Variants in SYNE3 observed in about 807,000 individuals in gnomAD.
The protein encoded by SYNE3 is spectrin repeat containing nuclear envelope family member 3.
Under a neutral mutation model 111.2 loss-of-function variants are expected in SYNE3, and 100 were observed. The ratio of observed to expected loss-of-function variants is 0.90; its 90% CI spans 0.77 to 1.06. SYNE3 has a LOEUF of 1.06. Among genes scored for constraint, SYNE3 ranks in the 50% least tolerant of loss-of-function variants. The pLI is 0.00. For synonymous variants in SYNE3, 547 were observed against 533.9 expected (o/e 1.02, Z -0.34); for missense variants, 1,160 against 1,240.3 (o/e 0.94, Z 0.97).
At chr14:95,481,643 G>A (rs1339377715) in intron 1 of SYNE3, among the ~76,000 whole-genome samples, 1 of 152,182 alleles carries the variant, frequency 6.6e-6, no homozygotes, top group African/African-American at 2.4e-5. Context: ...AGGGGAGCCG[G>A]GACAATGCAG....
chr14:95,409,492 C>T lies in SYNE3; in HGVS notation c.*8334G>A, dbSNP rs553249880. 1.9e-3 allele frequency: 785 copies of T among 414,554 alleles called. 5 individuals are homozygous for T. Among genetic ancestry groups the T allele is most frequent in the Non-Finnish European group, 3.3e-3 (687 of 208,924 alleles). The allele number at this position is 414,554 out of a possible 1,614,324, so 25.7% of individuals were successfully genotyped here. ...GAAGCCCAGGATCCTCGGGGGAAAC[C>T]GAGGTCCCTCCTTATGATTGCTGTC... is the stretch of plus-strand genomic sequence containing the variant. On this transcript the variant is annotated 3_prime_UTR_variant, in exon 18 of 18. Coordinates refer to ENST00000682763, the MANE Select transcript of SYNE3 (RefSeq NM_152592.6).
At position 95,500,430 on chromosome 14, in the gene SYNE3, C is replaced by T. The variant is rs4900277; in HGVS notation, c.-15+16166G>A. Among the ~76,000 whole-genome samples the T allele has an allele frequency of 0.18, 27,881 of 152,136 alleles. 2,877 individuals carry two copies. The highest frequency in any genetic ancestry group is 0.4 in the East Asian group (2,066 of 5,146). On this transcript the variant is annotated intron_variant, in intron 1 of 17. Coordinates refer to ENST00000682763, the MANE Select transcript of SYNE3 (RefSeq NM_152592.6). The surrounding 1 kb of genome is among the most constrained non-coding windows in gnomAD (Gnocchi z 4.7). ...TCAGGAGTGAGTGATACCTTGCAGACGCGTAGGTGTCCTCTTGAGTCCCCA... is the reference window on the plus strand; with the variant it reads ...TCAGGAGTGAGTGATACCTTGCAGATGCGTAGGTGTCCTCTTGAGTCCCCA...
intron 14 of SYNE3, chr14:95,438,641 G>T (rs149212359): frequency 3.4e-4 from 64 of 188,046 alleles, no homozygotes; most frequent in African/African-American, 1.4e-3. Flanking sequence ...GGCAGTAAGG[G>T]ATGGATGAAA....
intron 1 of SYNE3, among the ~76,000 whole-genome samples, chr14:95,490,546 C>T (rs1212217345): frequency 6.6e-6 from 1 of 152,254 alleles, no homozygotes; most frequent in East Asian, 1.9e-4. Flanking sequence ...GATTGAACTT[C>T]AGGCAGGCCA....
intron 1 of SYNE3, among the ~76,000 whole-genome samples, chr14:95,512,387 T>G (rs1378274303): frequency 6.6e-6 from 1 of 152,160 alleles, no homozygotes. Context: ...AGCATAAAAA[T>G]ATTTAAAAAT....
At chr14:95,475,932 C>G (rs2139513137) in intron 1 of SYNE3, 97 bp from the exon 2 acceptor site, 3 of 1,216,598 alleles carry the variant, frequency 2.5e-6, no homozygotes, top group African/African-American at 3.1e-5. Flanking sequence ...ACTCCCACCA[C>G]CAACCCTCCC....
At chr14:95,471,352 C>T (rs1232950361) in intron 2 of SYNE3, among the ~76,000 whole-genome samples, 1 of 152,198 alleles carries the variant, frequency 6.6e-6, no homozygotes, top group Non-Finnish European at 1.5e-5. Context: ...CCCCCCAGAC[C>T]CCTGGACCTT....
chr14:95,455,283 T>C (rs1406661933), intron 6 of SYNE3, 94 bp downstream of exon 6: 2 of 1,040,572 alleles, frequency 1.9e-6, no homozygotes, highest in Non-Finnish European at 2.7e-6. Flanking sequence ...TGCTCAGGGC[T>C]CAGCCCGATT....
chr14:95,471,801 T>C (rs74080788), intron 2 of SYNE3, among the ~76,000 whole-genome samples: 292 of 152,290 alleles, frequency 1.9e-3, no homozygotes, highest in African/African-American at 6.7e-3. Flanking sequence ...ATTATTCCAA[T>C]TTGTCGCAGC....
chr14:95,439,475 A>C, intron 13 of SYNE3, 137 bp downstream of exon 13: 1 of 1,188,914 alleles, frequency 8.4e-7, no homozygotes, highest in Non-Finnish European at 1.2e-6. Flanking sequence ...CAACTGGGCC[A>C]AAGTGTGAAG....
chr14:95,499,429 G>A (rs539893009), intron 1 of SYNE3, among the ~76,000 whole-genome samples: 1 of 152,058 alleles, frequency 6.6e-6, no homozygotes, highest in Admixed American at 6.6e-5. Context: ...GTGGCTCCCT[G>A]TATGCATCAT....
At position 95,417,678 on chromosome 14, in the gene SYNE3, T is replaced by C. The variant is rs1238256252; in HGVS notation, c.*148A>G. 6 of 804,446 alleles carry C rather than the reference T, an allele frequency of 7.5e-6. No homozygotes were observed. Among genetic ancestry groups the C allele is most frequent in the Non-Finnish European group, 1.1e-5 (5 of 470,888 alleles). The allele number at this position is 804,446 out of a possible 1,614,324, so 49.8% of individuals were successfully genotyped here. A position where few individuals can be genotyped will look rare whatever the true frequency, so the allele number is the denominator to read the frequency against. On this transcript the variant is annotated 3_prime_UTR_variant, in exon 18 of 18. Coordinates refer to ENST00000682763, the MANE Select transcript of SYNE3 (RefSeq NM_152592.6). ...AACACTGTATAAAAAGTAAGTGTCT[T>C]CTGGGAACGCTGACACAGCACTGAT...
chr14:95,452,758 G>C (rs1887173345), intron 6 of SYNE3, among the ~76,000 whole-genome samples: 1 of 152,244 alleles, frequency 6.6e-6, no homozygotes, highest in Non-Finnish European at 1.5e-5. Flanking sequence ...TGAAAGGCTA[G>C]TCTCCGTGTC....
chr14:95,480,013 G>A (rs1889131190), intron 1 of SYNE3, among the ~76,000 whole-genome samples: 1 of 152,192 alleles, frequency 6.6e-6, no homozygotes. Flanking sequence ...TGGCACGGGA[G>A]AAGTTTCGTC....
At chr14:95,447,095 C>T (rs1003151145) in intron 8 of SYNE3, among the ~76,000 whole-genome samples, 4 of 151,780 alleles carry the variant, frequency 2.6e-5, no homozygotes, top group African/African-American at 9.7e-5. Context: ...AGATTCCAAC[C>T]CAGGTAAGTC....
Position 95,466,042 on chromosome 14 carries a change from C to G in SYNE3, c.516G>C (p.Arg172=), listed in dbSNP as rs768537820. Residue 172 remains arginine, a synonymous_variant, in exon 4 of 18, where the codon CGG becomes CGC. Coordinates refer to ENST00000682763, the MANE Select transcript of SYNE3 (RefSeq NM_152592.6). ...NVDNQAVLLD[R]LLEEAASLFN... is the part of the protein sequence containing the mutation. ...ACAGGGAGGCTGCCTCCTCCAGCAGCCGGTCCAGGAGCACCGCCTGGTTGT... is the reference window on the plus strand; with the variant it reads ...ACAGGGAGGCTGCCTCCTCCAGCAGGCGGTCCAGGAGCACCGCCTGGTTGT... The G allele has an allele frequency of 6.2e-7, 1 of 1,612,834 alleles. No individual in the cohort carries two copies. Among genetic ancestry groups the G allele is most frequent in the African/African-American group, 1.3e-5 (1 of 75,028 alleles).
intron 8 of SYNE3, among the ~76,000 whole-genome samples, chr14:95,446,484 G>T (rs1886728931): frequency 6.6e-6 from 1 of 152,150 alleles, no homozygotes; most frequent in African/African-American, 2.4e-5. Context: ...CCCACCACTG[G>T]CCCACCACAT....
chr14:95,454,178 C>T (rs1887266520), intron 6 of SYNE3, among the ~76,000 whole-genome samples: 1 of 152,264 alleles, frequency 6.6e-6, no homozygotes, highest in Non-Finnish European at 1.5e-5. Flanking sequence ...CCCAGGGTTG[C>T]AGTCCCAGGG....
At chr14:95,477,716 G>A (rs1410844122) in intron 1 of SYNE3, among the ~76,000 whole-genome samples, 6 of 150,654 alleles carry the variant, frequency 4.0e-5, no homozygotes, top group Non-Finnish European at 8.8e-5. Context: ...GATTCTCCCA[G>A]TGAGTTGCTT....
Sources: allele counts gnomAD v4.1 joint callset (sites outside exome capture counted in the v4.1 genomes callset), GRCh38; gene constraint gnomAD v4.1.1; non-coding constraint Gnocchi (gnomAD v3.1); transcripts MANE v1.5; gene names NCBI Gene and HGNC (gene_info 2026-07-23, HGNC 2026-07-21).